The following HPSE2 variants were observed in gnomAD, a reference collection of about 807,000 sequenced individuals.
HPSE2 encodes the protein inactive heparanase-2.
In HPSE2, 38 loss-of-function variants were observed where a neutral mutation model predicts 60.5. The ratio of observed to expected loss-of-function variants is 0.63; its 90% CI spans 0.48 to 0.82. The LOEUF (loss-of-function observed/expected upper bound fraction) is 0.82, where lower values mean the gene tolerates loss of function less well. HPSE2 is among the 40% of genes least tolerant of loss of function. The probability of loss-of-function intolerance (pLI) is 0.00; values close to 1 mark genes in which losing one functional copy is unlikely to be tolerated. For synonymous variants in HPSE2, 295 were observed against 293.2 expected (o/e 1.01, Z -0.06); for missense variants, 713 against 740.4 (o/e 0.96, Z 0.43).
intron 3 of HPSE2, among the ~76,000 whole-genome samples, chr10:99,033,277 T>C (rs1410560675): frequency 6.6e-6 from 1 of 152,238 alleles, no homozygotes; most frequent in Non-Finnish European, 1.5e-5. Context: ...AGATTATTTG[T>C]ATTTTCTAAT....
intron 2 of HPSE2, among the ~76,000 whole-genome samples, chr10:99,185,581 T>C (rs1401256971): frequency 6.6e-6 from 1 of 151,944 alleles, no homozygotes; most frequent in East Asian, 1.9e-4. Context: ...GAGACCATCC[T>C]GGATAACACA....
intron 6 of HPSE2, among the ~76,000 whole-genome samples, chr10:98,663,440 A>G (rs1947278341): frequency 6.6e-6 from 1 of 152,208 alleles, no homozygotes; most frequent in African/African-American, 2.4e-5. Context: ...AGTGGCTAGT[A>G]TGTGCCACTC....
intron 6 of HPSE2, among the ~76,000 whole-genome samples, chr10:98,655,151 T>C (rs1468990677): frequency 6.6e-6 from 1 of 152,102 alleles, no homozygotes; most frequent in East Asian, 1.9e-4. Flanking sequence ...TTTCCCCCTG[T>C]ATGTAAGACG....
At chr10:98,550,706 C>T (rs1167413996) in intron 9 of HPSE2, among the ~76,000 whole-genome samples, 2 of 152,034 alleles carry the variant, frequency 1.3e-5, no homozygotes, top group African/African-American at 4.8e-5. Context: ...GATCTCCTGA[C>T]CTCGTGATAT....
intron 1 of HPSE2, among the ~76,000 whole-genome samples, chr10:99,234,837 G>A (rs1353029784): frequency 6.6e-6 from 1 of 151,818 alleles, no homozygotes; most frequent in African/African-American, 2.4e-5. Flanking sequence ...TACCGCAGGA[G>A]ATTTAAGGAG....
Position 99,126,251 on chromosome 10 carries a change from T to C in HPSE2, c.610+17987A>G, listed in dbSNP as rs560836125. Among the ~76,000 whole-genome samples, 1 of 152,162 alleles carries C rather than the reference T, an allele frequency of 6.6e-6. No individual in the cohort carries two copies. Among genetic ancestry groups the C allele is most frequent in the African/African-American group, 2.4e-5 (1 of 41,502 alleles). ...GGCAGCCATAATCCCCTCTGGAATA[T>C]AACCCCATTGGCCTGAGAACCACAA... On this transcript the variant is annotated intron_variant, in intron 3 of 11. Coordinates refer to ENST00000370552, the MANE Select transcript of HPSE2 (RefSeq NM_021828.5). This position sits in a 1 kb window ranked among gnomAD's most constrained non-coding sequence, Gnocchi z 4.0.
At chr10:98,843,706 A>C (rs542498300) in intron 3 of HPSE2, among the ~76,000 whole-genome samples, 1 of 152,300 alleles carries the variant, frequency 6.6e-6, no homozygotes, top group Admixed American at 6.5e-5. Context: ...TTTTACAACA[A>C]ATCTACAAAC....
chr10:98,554,098 A>G (rs1038795600), intron 9 of HPSE2, among the ~76,000 whole-genome samples: 7 of 152,130 alleles, frequency 4.6e-5, no homozygotes, highest in African/African-American at 1.7e-4. Context: ...ACCTTTTCCC[A>G]TAATCCTGAG....
intron 3 of HPSE2, among the ~76,000 whole-genome samples, chr10:99,077,635 T>C (rs1226613414): frequency 1.3e-5 from 2 of 152,104 alleles, no homozygotes; most frequent in Non-Finnish European, 2.9e-5. Context: ...ACACATCCAT[T>C]TCATATTTAG....
At chr10:99,108,442 C>T (rs1215343856) in intron 3 of HPSE2, among the ~76,000 whole-genome samples, 2 of 151,758 alleles carry the variant, frequency 1.3e-5, no homozygotes, top group African/African-American at 2.4e-5. Context: ...ACACAGTATA[C>T]CCCTTATGTT....
chr10:99,308,089 A>T, the HPSE2 span, among the ~76,000 whole-genome samples: 1 of 152,084 alleles, frequency 6.6e-6, no homozygotes, highest in Admixed American at 6.6e-5. Context: ...CAAAATAGCA[A>T]GAAAATGGAA....
chr10:99,007,115 CT>C (rs1401002957), intron 3 of HPSE2, among the ~76,000 whole-genome samples: 2 of 152,166 alleles, frequency 1.3e-5, no homozygotes, highest in African/African-American at 2.4e-5. Context: ...GGCCTGGAGC[CT>C]AGCACTGTGG....
intron 7 of HPSE2, among the ~76,000 whole-genome samples, chr10:98,632,073 A>G (rs868378872): frequency 3.9e-5 from 6 of 152,294 alleles, no homozygotes; most frequent in Admixed American, 1.3e-4. Flanking sequence ...ATAGTTGATA[A>G]GTGTGGGCAA....
intron 6 of HPSE2, among the ~76,000 whole-genome samples, chr10:98,678,550 G>C (rs1294443132): frequency 6.6e-6 from 1 of 152,086 alleles, no homozygotes; most frequent in Non-Finnish European, 1.5e-5. Context: ...AGGGGTTATT[G>C]TGCTGAGTCA....
chr10:98,533,797 C>T lies in HPSE2; in HGVS notation c.1321-43601G>A, dbSNP rs76580949. Among the ~76,000 whole-genome samples, 1,261 of 152,264 alleles carry T rather than the reference C, an allele frequency of 8.3e-3. 14 individuals carry two copies. The highest frequency in any genetic ancestry group is 0.029 in the African/African-American group (1,198 of 41,546). ...AATCGGACAGAACAATGAAAGCCAA[C>T]GTGAGAACCCTTTCATGGGGACTTT... is the stretch of plus-strand genomic sequence containing the variant. On this transcript the variant is annotated intron_variant, in intron 9 of 11. Transcript: ENST00000370552.
chr10:98,630,323 CA>C (rs371881115), intron 7 of HPSE2, among the ~76,000 whole-genome samples: 28 of 151,986 alleles, frequency 1.8e-4, no homozygotes, highest in African/African-American at 6.7e-4. Context: ...TCAGCCTCCC[CA>C]GTAGCTGGGA....
At chr10:99,144,788 C>G (rs549795432) in intron 2 of HPSE2, among the ~76,000 whole-genome samples, 2 of 152,250 alleles carry the variant, frequency 1.3e-5, no homozygotes, top group East Asian at 3.9e-4. Context: ...AGGTCATTCT[C>G]TCTACCTCGT....
chr10:99,068,535 C>G (rs1367294057), intron 3 of HPSE2, among the ~76,000 whole-genome samples: 1 of 152,156 alleles, frequency 6.6e-6, no homozygotes, highest in African/African-American at 2.4e-5. Flanking sequence ...GTGGAAGAAA[C>G]TGCCCCCATG....
the HPSE2 span, among the ~76,000 whole-genome samples, chr10:99,306,230 C>G: frequency 3.3e-5 from 5 of 152,070 alleles, no homozygotes. Context: ...GATGAAAGAT[C>G]CACTGTAATT....
Sources: gnomAD v4.1 joint callset for allele counts (sites outside exome capture counted in the v4.1 genomes callset) on GRCh38, gnomAD v4.1.1 for gene constraint, Gnocchi (gnomAD v3.1) non-coding constraint, MANE v1.5 for transcripts, NCBI Gene and HGNC (gene_info 2026-07-23, HGNC 2026-07-21) for gene names.